Variants in SLC35F1 observed in about 807,000 individuals in gnomAD.
The protein encoded by SLC35F1 is solute carrier family 35 member F1.
A neutral mutation model predicts 48.7 loss-of-function variants in SLC35F1; 14 were observed. That is an observed-to-expected ratio of 0.29 (90% CI 0.19 to 0.45). SLC35F1 has a LOEUF of 0.45. Ranked by LOEUF, SLC35F1 falls within the 20% of genes least tolerant of loss-of-function variation. The pLI, the probability that SLC35F1 is intolerant of heterozygous loss-of-function variation, is 1.00. For synonymous variants in SLC35F1, 190 were observed against 202.2 expected, an observed-to-expected ratio of 0.94 and a Z score of 0.51; for missense variants, 404 against 500.0, an observed-to-expected ratio of 0.81 and a Z score of 1.83.
At chr6:117,947,363 G>GCCT (rs1776307776) in intron 1 of SLC35F1, among the ~76,000 whole-genome samples, 1 of 152,090 alleles carries the variant, frequency 6.6e-6, no homozygotes, top group Non-Finnish European at 1.5e-5. Flanking sequence ...AAGGAGGACT[G>GCCT]GTAATTGGAG....
intron 3 of SLC35F1, among the ~76,000 whole-genome samples, chr6:118,257,011 G>A (rs73530053): frequency 0.042 from 6,434 of 152,148 alleles, 411 homozygotes; most frequent in African/African-American, 0.13. Context: ...TGTGTAATCA[G>A]GAAACAAATT....
intron 1 of SLC35F1, among the ~76,000 whole-genome samples, chr6:118,018,992 C>G (rs1391729020): frequency 6.6e-6 from 1 of 152,090 alleles, no homozygotes; most frequent in East Asian, 1.9e-4. Context: ...AATTTGAGCT[C>G]TTTAAGTTGA....
chr6:118,236,014 A>G (rs531926223), intron 3 of SLC35F1, among the ~76,000 whole-genome samples: 98 of 152,316 alleles, frequency 6.4e-4, no homozygotes, highest in Non-Finnish European at 4.4e-5. Context: ...ATAAAAACAA[A>G]TCAATTTTAA....
chr6:118,146,038 G>A (rs1048670722), intron 1 of SLC35F1, among the ~76,000 whole-genome samples: 5 of 152,148 alleles, frequency 3.3e-5, no homozygotes, highest in South Asian at 4.1e-4. Flanking sequence ...GAAGCAAATC[G>A]TAGAACACTG....
At chr6:117,996,584 C>A (rs1582607306) in intron 1 of SLC35F1, among the ~76,000 whole-genome samples, 2 of 152,332 alleles carry the variant, frequency 1.3e-5, no homozygotes, top group African/African-American at 4.8e-5. Context: ...TGAGACAAAA[C>A]TTCCAGAGGA....
chr6:118,003,474 T>C (rs879454111), intron 1 of SLC35F1, among the ~76,000 whole-genome samples: 9 of 152,222 alleles, frequency 5.9e-5, no homozygotes, highest in Admixed American at 2.0e-4. Context: ...CAATGATGCA[T>C]GGTGAGCTAG....
At chr6:117,991,472 GT>G (rs1776918925) in intron 1 of SLC35F1, among the ~76,000 whole-genome samples, 1 of 151,900 alleles carries the variant, frequency 6.6e-6, no homozygotes, top group African/African-American at 2.4e-5. Flanking sequence ...TGAACATGAA[GT>G]TTTTTTAAAT....
intron 1 of SLC35F1, among the ~76,000 whole-genome samples, chr6:118,145,601 A>G (rs547463294): frequency 2.6e-5 from 4 of 152,224 alleles, no homozygotes; most frequent in Admixed American, 2.0e-4. Context: ...GTATTAACTA[A>G]AATTTGTAAC....
chr6:118,268,543 G>A (rs192975931), intron 4 of SLC35F1, among the ~76,000 whole-genome samples: 15 of 136,122 alleles, frequency 1.1e-4, no homozygotes, highest in African/African-American at 3.5e-4. Context: ...TAATATTTTT[G>A]TCTTATACAA....
chr6:117,907,905 C>T lies in SLC35F1; in HGVS notation c.173+6C>T, dbSNP rs753454391. 2.6e-5 allele frequency: 35 copies of T among 1,331,352 alleles called. No individual in the cohort carries two copies. The highest frequency in any genetic ancestry group is 3.0e-5 in the East Asian group (1 of 32,868). The allele number at this position is 1,331,352 out of a possible 1,614,324, so 82.5% of individuals were successfully genotyped here. A position where few individuals can be genotyped will look rare whatever the true frequency, so the allele number is the denominator to read the frequency against. ...ATCCGCAAAGTGCTGAACAGGTGAG[C>T]GGCGGCGCCGGGCGAGGGCGCGGGG... On this transcript the variant is annotated splice_donor_region_variant and intron_variant, in intron 1 of 7. Coordinates refer to ENST00000360388, the MANE Select transcript of SLC35F1 (RefSeq NM_001029858.4).
intron 3 of SLC35F1, among the ~76,000 whole-genome samples, chr6:118,251,175 C>G (rs960954481): frequency 6.6e-6 from 1 of 152,100 alleles, no homozygotes; most frequent in Non-Finnish European, 1.5e-5. Flanking sequence ...GTGGTCCCAG[C>G]TACTCAGAAG....
At chr6:118,255,550 G>A (rs1775631466) in intron 3 of SLC35F1, among the ~76,000 whole-genome samples, 1 of 152,118 alleles carries the variant, frequency 6.6e-6, no homozygotes, top group Non-Finnish European at 1.5e-5. Flanking sequence ...TAGATTTCTA[G>A]GTACTTGTCC....
intron 1 of SLC35F1, among the ~76,000 whole-genome samples, chr6:118,138,496 T>A (rs1003094964): frequency 6.6e-6 from 1 of 152,260 alleles, no homozygotes; most frequent in African/African-American, 2.4e-5. Flanking sequence ...GTCAGGCTGA[T>A]CTCTTATTCA....
intron 7 of SLC35F1, among the ~76,000 whole-genome samples, chr6:118,303,741 T>C (rs1032729330): frequency 2.0e-5 from 3 of 152,244 alleles, no homozygotes; most frequent in Admixed American, 2.0e-4. Context: ...TCCTGAATAT[T>C]GTTTTCTTAG....
At chr6:118,092,650 C>G (rs1246981829) in intron 1 of SLC35F1, among the ~76,000 whole-genome samples, 1 of 152,186 alleles carries the variant, frequency 6.6e-6, no homozygotes, top group Admixed American at 6.5e-5. Flanking sequence ...CCCTACAAAG[C>G]CACAGAGGTG....
At chr6:118,006,758 A>G (rs577524373) in intron 1 of SLC35F1, among the ~76,000 whole-genome samples, 1 of 152,306 alleles carries the variant, frequency 6.6e-6, no homozygotes, top group South Asian at 2.1e-4. Flanking sequence ...TGTAAAGTAC[A>G]CACAATAAAA....
chr6:118,281,176 C>G (rs1412582126), intron 6 of SLC35F1, among the ~76,000 whole-genome samples: 1 of 76,544 alleles, frequency 1.3e-5, no homozygotes, highest in Non-Finnish European at 2.6e-5. Flanking sequence ...TATATAGTAA[C>G]TCTCTCTCTC....
chr6:118,171,556 C>T (rs780739458), intron 2 of SLC35F1, among the ~76,000 whole-genome samples: 1 of 152,124 alleles, frequency 6.6e-6, no homozygotes, highest in Non-Finnish European at 1.5e-5. Flanking sequence ...CTTCACAGTC[C>T]TTCCCCAAAA....
chr6:118,289,273 C>A (rs1776088911), intron 7 of SLC35F1, among the ~76,000 whole-genome samples: 2 of 152,304 alleles, frequency 1.3e-5, no homozygotes, highest in Admixed American at 6.5e-5. Context: ...GGCATCTCTA[C>A]TTTTGACTAT....
Sources: allele counts gnomAD v4.1 joint callset (sites outside exome capture counted in the v4.1 genomes callset), GRCh38; gene constraint gnomAD v4.1.1; transcripts MANE v1.5; gene names NCBI Gene and HGNC (gene_info 2026-07-23, HGNC 2026-07-21).